The following FRAS1 variants were observed in gnomAD, a reference collection of about 807,000 sequenced individuals.
The protein encoded by FRAS1 is extracellular matrix organizing protein FRAS1.
A neutral mutation model predicts 435.2 loss-of-function variants in FRAS1; 290 were observed. The observed-to-expected ratio is 0.67, with a 90% confidence interval of 0.61 to 0.73. The LOEUF is 0.73. Ranked by LOEUF, FRAS1 falls within the 30% of genes least tolerant of loss-of-function variation. FRAS1 has a pLI of 0.00. For missense variants in FRAS1, 4,860 were observed against 5,001.5 expected, an observed-to-expected ratio of 0.97 and a Z score of 0.85; for synonymous variants, 1,800 against 1,851.0, an observed-to-expected ratio of 0.97 and a Z score of 0.71.
chr4:78,290,713 G>A (rs1447487739), intron 14 of FRAS1, among the ~76,000 whole-genome samples: 1 of 151,480 alleles, frequency 6.6e-6, no homozygotes, highest in African/African-American at 2.4e-5. Flanking sequence ...GCCTCCCAAA[G>A]TGCTGGGATT....
intron 12 of FRAS1, 78 bp downstream of exon 12, chr4:78,283,045 T>A: frequency 8.8e-7 from 1 of 1,133,408 alleles, no homozygotes; most frequent in East Asian, 3.1e-5. Flanking sequence ...CCCACCCCCT[T>A]GCTTCTTTTC....
intron 35 of FRAS1, among the ~76,000 whole-genome samples, chr4:78,424,811 C>A (rs538674255): frequency 9.9e-5 from 15 of 151,900 alleles, no homozygotes; most frequent in African/African-American, 3.1e-4. Context: ...ATGATGGTGG[C>A]ACATGCCTGG....
intron 29 of FRAS1, among the ~76,000 whole-genome samples, chr4:78,393,465 C>A (rs1732532248): frequency 6.6e-6 from 1 of 152,006 alleles, no homozygotes; most frequent in South Asian, 2.1e-4. Flanking sequence ...CTTGCAACTG[C>A]CATTCTACTA....
chr4:78,399,528 G>A, intron 29 of FRAS1, among the ~76,000 whole-genome samples: 1 of 152,144 alleles, frequency 6.6e-6, no homozygotes, highest in East Asian at 1.9e-4. Context: ...TTGGAAGAGG[G>A]TTTGTGCCTT....
chr4:78,267,448 A>G lies in FRAS1; in HGVS notation c.981+16A>G. On this transcript the variant is annotated intron_variant, in intron 9 of 73. Transcript: ENST00000512123. ...GTGTGCCCGGGTAAGAAGCAGGGGC[A>G]TTTCCATTTGGAACGTTGCAGCTCT... is the stretch of plus-strand genomic sequence containing the variant. The G allele has an allele frequency of 6.2e-7, 1 of 1,609,884 alleles. No individual in the cohort carries two copies. Among genetic ancestry groups the G allele is most frequent in the African/African-American group, 1.3e-5 (1 of 74,970 alleles).
intron 14 of FRAS1, among the ~76,000 whole-genome samples, chr4:78,290,981 G>T (rs956656207): frequency 1.6e-4 from 24 of 151,564 alleles, no homozygotes; most frequent in African/African-American, 5.6e-4. Flanking sequence ...GGCCAGGCTA[G>T]TCTCAAACTC....
chr4:78,189,254 A>G (rs1225195407), intron 2 of FRAS1, among the ~76,000 whole-genome samples: 4 of 152,222 alleles, frequency 2.6e-5, no homozygotes, highest in Admixed American at 1.3e-4. Context: ...TGACTTCTCA[A>G]AACTGGAGGA....
At chr4:78,418,893 C>T in intron 32 of FRAS1, 56 bp from the exon 33 acceptor site, 2 of 1,068,578 alleles carry the variant, frequency 1.9e-6, no homozygotes, top group Non-Finnish European at 2.8e-6. Context: ...CTGTTTTTGC[C>T]TCTGGCTTTT....
chr4:78,371,339 CAAGG>C (rs1731498285), intron 23 of FRAS1, among the ~76,000 whole-genome samples: 2 of 151,984 alleles, frequency 1.3e-5, no homozygotes, highest in Non-Finnish European at 2.9e-5. Flanking sequence ...AATATTCTAC[CAAGG>C]AAGAGAAAAG....
chr4:78,438,554 A>G lies in FRAS1; in HGVS notation c.5218-16A>G, dbSNP rs761053330. On this transcript the variant is annotated splice_polypyrimidine_tract_variant and intron_variant, in intron 38 of 73. Coordinates refer to ENST00000512123, the MANE Select transcript of FRAS1 (RefSeq NM_025074.7). ...CAAATGTGCGTTCATGTCCTGCCTCATGTTTGCCTCATTAGGATGATTCTT... is the reference window on the plus strand; with the variant it reads ...CAAATGTGCGTTCATGTCCTGCCTCGTGTTTGCCTCATTAGGATGATTCTT... 6.2e-7 allele frequency: 1 copy of G among 1,613,654 alleles called. No individual in the cohort carries two copies. The highest frequency in any genetic ancestry group is 8.5e-7 in the Non-Finnish European group (1 of 1,179,740).
At chr4:78,323,853 A>G (rs138627037) in intron 18 of FRAS1, among the ~76,000 whole-genome samples, 72 of 152,044 alleles carry the variant, frequency 4.7e-4, no homozygotes, top group African/African-American at 1.7e-3. Context: ...TTTTTCTTCT[A>G]AAAGGTTTAA....
chr4:78,298,024 CTCTCTCTATA>C lies in FRAS1; in HGVS notation c.1535-10040_1535-10031del, dbSNP rs1218742656. On this transcript the variant is annotated intron_variant, in intron 14 of 73. Coordinates refer to ENST00000512123, the MANE Select transcript of FRAS1 (RefSeq NM_025074.7). ...TGTTCCTCTCTCTCTCTCTCTCTCT[CTCTCTCTATA>C]TATATATATATATATATATTACTAA... is the stretch of plus-strand genomic sequence containing the variant. Among the ~76,000 whole-genome samples, 233 of 109,544 alleles carry C rather than the reference CTCTCTCTATA, an allele frequency of 2.1e-3. 1 individual carries two copies. Among genetic ancestry groups the C allele is most frequent in the African/African-American group, 7.2e-3 (205 of 28,648 alleles). 71.9% of individuals were successfully genotyped at this position (109,544 alleles called of 152,430 possible).
At chr4:78,072,467 T>C (rs1423045107) in intron 2 of FRAS1, among the ~76,000 whole-genome samples, 8 of 152,168 alleles carry the variant, frequency 5.3e-5, no homozygotes, top group Admixed American at 5.2e-4. Flanking sequence ...CTATTCAGTG[T>C]TTGAAATCAC....
intron 20 of FRAS1, among the ~76,000 whole-genome samples, chr4:78,341,610 A>C (rs1730400580): frequency 6.6e-6 from 1 of 152,158 alleles, no homozygotes; most frequent in Non-Finnish European, 1.5e-5. Flanking sequence ...TCTGAGTGGC[A>C]ATTTCATATG....
chr4:78,463,314 A>G (rs901426968), intron 47 of FRAS1, among the ~76,000 whole-genome samples: 8 of 152,052 alleles, frequency 5.3e-5, no homozygotes, highest in Non-Finnish European at 8.8e-5. Flanking sequence ...ATAAATAGAG[A>G]AAAATTAATA....
At chr4:78,159,717 C>T (rs1721055080) in intron 2 of FRAS1, among the ~76,000 whole-genome samples, 1 of 152,054 alleles carries the variant, frequency 6.6e-6, no homozygotes, top group Non-Finnish European at 1.5e-5. Context: ...CCCATTTCTA[C>T]TAAAAATACA....
chr4:78,461,860 A>G (rs114111127), intron 47 of FRAS1, among the ~76,000 whole-genome samples: 3,280 of 152,314 alleles, frequency 0.022, 120 homozygotes, highest in African/African-American at 0.075. Flanking sequence ...ATGAAATAGT[A>G]TATACTATAT....
intron 20 of FRAS1, among the ~76,000 whole-genome samples, chr4:78,359,327 C>T (rs1482619357): frequency 1.3e-5 from 2 of 152,118 alleles, no homozygotes; most frequent in Non-Finnish European, 2.9e-5. Context: ...ATCCTCAAGC[C>T]CTTGTTGCTC....
At position 78,527,162 on chromosome 4, in the gene FRAS1, G is replaced by C. The variant is rs529906340; in HGVS notation, c.10925+505G>C. ...TAAATGTTGTGAACAGAGGCTCATA[G>C]GAATCTAACCCTGTATTTCTTCTAG... On this transcript the variant is annotated intron_variant, in intron 70 of 73. Transcript: ENST00000512123. Among the ~76,000 whole-genome samples the C allele has an allele frequency of 2.6e-5, 4 of 152,228 alleles. No individual in the cohort carries two copies. In the South Asian group the frequency reaches 8.3e-4, roughly 32 times the overall value.
Sources: allele counts gnomAD v4.1 joint callset (sites outside exome capture counted in the v4.1 genomes callset), GRCh38; gene constraint gnomAD v4.1.1; transcripts MANE v1.5; gene names NCBI Gene and HGNC (gene_info 2026-07-23, HGNC 2026-07-21).